Variants in ATG4A observed in about 807,000 individuals in gnomAD.
ATG4A encodes the protein autophagy related 4A cysteine peptidase.
Under a neutral mutation model 38.4 loss-of-function variants are expected in ATG4A, and 22 were observed. That is an observed-to-expected ratio of 0.57 (90% CI 0.41 to 0.82). ATG4A has a LOEUF of 0.82. Ranked by LOEUF, ATG4A falls within the 40% of genes least tolerant of loss-of-function variation. The pLI, the probability that ATG4A is intolerant of heterozygous loss-of-function variation, is 0.00. For synonymous variants in ATG4A, 86 were observed against 100.7 expected (o/e 0.85, Z 0.88); for missense variants, 220 against 290.0 (o/e 0.76, Z 1.75).
chrX:108,115,883 A>G (rs1482034488), intron 1 of ATG4A, among the ~76,000 whole-genome samples: 1 of 112,470 alleles, frequency 8.9e-6, no homozygotes, highest in Non-Finnish European at 1.9e-5. Flanking sequence ...ACTATTAGAG[A>G]TTAAAAATGG....
chrX:108,112,549 G>A (rs1414165057), intron 1 of ATG4A, among the ~76,000 whole-genome samples: 2 of 109,618 alleles, frequency 1.8e-5, no homozygotes, highest in Non-Finnish European at 3.8e-5. Context: ...CCGGCACTAC[G>A]CCCGGCTAAT....
At chrX:108,128,483 C>T (rs1294500223) in intron 2 of ATG4A, among the ~76,000 whole-genome samples, 2 of 111,489 alleles carry the variant, frequency 1.8e-5, no homozygotes, top group Non-Finnish European at 3.8e-5. Context: ...TTTTCTTATT[C>T]CTTGTCTTTT....
At chrX:108,107,610 G>A (rs950474044) in intron 1 of ATG4A, among the ~76,000 whole-genome samples, 1 of 111,587 alleles carries the variant, frequency 9.0e-6, no homozygotes, top group African/African-American at 3.3e-5. Context: ...GGCATTTTAT[G>A]AGACTCTGGA....
intron 9 of ATG4A, among the ~76,000 whole-genome samples, chrX:108,140,409 A>C (rs2033206027): frequency 9.1e-6 from 1 of 110,294 alleles, no homozygotes; most frequent in Non-Finnish European, 1.9e-5. Flanking sequence ...TTTCTGACTC[A>C]CACCCTTACT....
chrX:108,127,560 G>A (rs903787371), intron 2 of ATG4A, among the ~76,000 whole-genome samples: 13 of 111,851 alleles, frequency 1.2e-4, no homozygotes, highest in African/African-American at 4.2e-4. Flanking sequence ...CAGAGTCAGG[G>A]TTCAAACCCA....
intron 1 of ATG4A, among the ~76,000 whole-genome samples, chrX:108,111,344 G>A (rs543581842): frequency 8.9e-6 from 1 of 112,530 alleles, no homozygotes; most frequent in Admixed American, 9.4e-5. Context: ...TTGCTGCTTG[G>A]CAAAATTGCT....
intron 1 of ATG4A, among the ~76,000 whole-genome samples, chrX:108,097,506 A>G (rs760353714): frequency 7.2e-5 from 8 of 111,768 alleles, no homozygotes; most frequent in African/African-American, 1.6e-4. Flanking sequence ...AAGACTTGCA[A>G]TGTGTCTAGG....
chrX:108,108,240 A>G (rs1299601181), intron 1 of ATG4A, among the ~76,000 whole-genome samples: 2 of 99,259 alleles, frequency 2.0e-5, no homozygotes, highest in Non-Finnish European at 4.0e-5. Flanking sequence ...TACATTACTC[A>G]AAAACAAATC....
intron 1 of ATG4A, among the ~76,000 whole-genome samples, chrX:108,114,757 G>A (rs1007090735): frequency 1.0e-5 from 1 of 100,301 alleles, no homozygotes; most frequent in African/African-American, 3.6e-5. Flanking sequence ...CTAGTTAGAG[G>A]TTAGTTGTTG....
Position 108,134,385 on chromosome X carries a change from AC to A in ATG4A, c.443del (p.Pro148GlnfsTer8), listed in dbSNP as rs746720304. ...GGAAATCAATTGGAGAATGGTTTGG[AC>A]CAAATACAGTTGCACAGGTGTTAAA... ...EGKSIGEWFG[P>X]NTVAQVLKKL... On this transcript the variant is annotated frameshift_variant, in exon 6 of 13. Transcript: ENST00000372232. LOFTEE classifies it high-confidence loss of function. 8.3e-7 allele frequency: 1 copy of A among 1,211,149 alleles called. No homozygotes were observed. The highest frequency in any genetic ancestry group is 1.8e-5 in the South Asian group (1 of 56,826).
chrX:108,120,364 A>C (rs1313072552), intron 1 of ATG4A, among the ~76,000 whole-genome samples: 1 of 112,046 alleles, frequency 8.9e-6, no homozygotes, highest in Non-Finnish European at 1.9e-5. Flanking sequence ...AAAGGCAAAA[A>C]GAGGCAGCAA....
intron 1 of ATG4A, among the ~76,000 whole-genome samples, chrX:108,097,971 GT>G (rs1442546296): frequency 9.0e-6 from 1 of 111,533 alleles, no homozygotes; most frequent in Admixed American, 9.5e-5. Context: ...TTATATACAA[GT>G]TTTTTTATAT....
rs746647029 is a variant in ATG4A, at chrX:108,142,505, TAC to T, written c.814+4332_814+4333del. Among the ~76,000 whole-genome samples the T allele has an allele frequency of 1.4e-3, 151 of 106,537 alleles. 2 individuals are homozygous for T. Among genetic ancestry groups the T allele is most frequent in the Admixed American group, 8.6e-3 (85 of 9,874 alleles). The allele number at this position is 106,537 out of a possible 115,157, so 92.5% of individuals were successfully genotyped here. ...TGTGTGTGTGTGTATATAACATACA[TAC>T]ACACACACACACACACATATATATG... On this transcript the variant is annotated intron_variant, in intron 9 of 12. Transcript: ENST00000372232.
chrX:108,115,124 T>TGCATGTATGC (rs1456972622), intron 1 of ATG4A, among the ~76,000 whole-genome samples: 17 of 105,833 alleles, frequency 1.6e-4, no homozygotes, highest in African/African-American at 5.5e-4. Context: ...TATGCGTGTG[T>TGCATGTATGC]GTGTGTGTGT....
In ATG4A at chrX:108,127,413, A is replaced by G. The variant is rs745839155; in HGVS notation, c.121+1226A>G. On this transcript the variant is annotated intron_variant, in intron 2 of 12. Transcript: ENST00000372232. ...ATAGGTTCACTGCATACTAGTCACC[A>G]TCCAAGCACTTTAAGTGTATTATCT... Among the ~76,000 whole-genome samples the G allele has an allele frequency of 4.2e-4, 47 of 112,087 alleles. 1 individual carries two copies. The highest frequency in any genetic ancestry group is 1.5e-3 in the African/African-American group (46 of 30,875).
chrX:108,132,118 C>G lies in ATG4A; in HGVS notation c.292+760C>G, dbSNP rs770288997. ...TTTGCCATGTTGGCCAGGCTGATCT[C>G]GAACTCCTGACCTCAGAGGATCCAC... On this transcript the variant is annotated intron_variant, in intron 4 of 12. Coordinates refer to ENST00000372232, the MANE Select transcript of ATG4A (RefSeq NM_052936.5). Among the ~76,000 whole-genome samples the G allele has an allele frequency of 2.7e-5, 3 of 111,575 alleles. No individual in the cohort carries two copies. In the Admixed American group the frequency reaches 2.8e-4, roughly 11 times the overall value.
At position 108,148,692 on chromosome X, in the gene ATG4A, C is replaced by A. The variant is rs193252204; in HGVS notation, c.815-1460C>A. Among the ~76,000 whole-genome samples, 11 of 111,582 alleles carry A rather than the reference C, an allele frequency of 9.9e-5. No homozygotes were observed. The East Asian group carries it at 3.1e-3, about 32-fold the overall frequency. On this transcript the variant is annotated intron_variant, in intron 9 of 12. Transcript: ENST00000372232. ...GCCTACAACTTCCTTTCCCTCAGAC[C>A]TTTCTGTGGTCTTAGGTAGGCTTCC... is the stretch of plus-strand genomic sequence containing the variant.
At chrX:108,141,071 CATATATATATATATATATAT>C (rs139918190) in intron 9 of ATG4A, among the ~76,000 whole-genome samples, 2 of 35,049 alleles carry the variant, frequency 5.7e-5, no homozygotes, top group East Asian at 8.4e-4. Flanking sequence ...TATATATATA[CATATATATATATATATATAT>C]ATATATATAT....
chrX:108,105,455 T>C (rs991643318), intron 1 of ATG4A, among the ~76,000 whole-genome samples: 1 of 111,377 alleles, frequency 9.0e-6, no homozygotes, highest in Non-Finnish European at 1.9e-5. Context: ...CTCTCTCTTT[T>C]TGTTCTCAGT....
Sources: allele counts gnomAD v4.1 joint callset (sites outside exome capture counted in the v4.1 genomes callset), GRCh38; gene constraint gnomAD v4.1.1; transcripts MANE v1.5; gene names NCBI Gene and HGNC (gene_info 2026-07-23, HGNC 2026-07-21).